The following BBX variants were observed in gnomAD, a reference collection of about 807,000 sequenced individuals.
The protein encoded by BBX is HMG box transcription factor BBX.
BBX carries 30 observed loss-of-function variants against 100.2 expected under a neutral mutation model. That is an observed-to-expected ratio of 0.30 (90% CI 0.22 to 0.41). The LOEUF (loss-of-function observed/expected upper bound fraction) is 0.41, where lower values mean the gene tolerates loss of function less well. Ranked by LOEUF, BBX falls within the 10% of genes least tolerant of loss-of-function variation. The probability of loss-of-function intolerance (pLI) is 1.00; values close to 1 mark genes in which losing one functional copy is unlikely to be tolerated. For missense variants in BBX, 1,023 were observed against 1,129.8 expected, an observed-to-expected ratio of 0.91 and a Z score of 1.35; for synonymous variants, 376 against 388.1, an observed-to-expected ratio of 0.97 and a Z score of 0.37.
At chr3:107,710,695 T>A (rs2061661313) in intron 4 of BBX, 73 bp downstream of exon 4, 2 of 1,343,720 alleles carry the variant, frequency 1.5e-6, no homozygotes, top group South Asian at 3.0e-5. Flanking sequence ...ATAGTGAACA[T>A]GAATGATATT....
chr3:107,652,383 T>TAAAA (rs200793096), intron 3 of BBX, among the ~76,000 whole-genome samples: 30,062 of 151,950 alleles, frequency 0.2, 3,224 homozygotes, highest in African/African-American at 0.28. Flanking sequence ...AATTTACCAG[T>TAAAA]TTTTCTGTGT....
At chr3:107,584,069 A>ATT (rs1402958330) in intron 2 of BBX, among the ~76,000 whole-genome samples, 1 of 24,574 alleles carries the variant, frequency 4.1e-5, no homozygotes, top group African/African-American at 2.3e-4. Flanking sequence ...TATATCATAT[A>ATT]TTATATATAT....
At chr3:107,598,101 G>A (rs148022318) in intron 2 of BBX, among the ~76,000 whole-genome samples, 195 of 152,292 alleles carry the variant, frequency 1.3e-3, no homozygotes, top group African/African-American at 4.4e-3. Flanking sequence ...AAAACCATGT[G>A]CTTCCAGAAG....
Position 107,744,628 on chromosome 3 carries a change from A to T in BBX, c.670-2A>T. 2 of 1,610,564 alleles carry T rather than the reference A, an allele frequency of 1.2e-6. No individual in the cohort carries two copies. The highest frequency in any genetic ancestry group is 1.7e-6 in the Non-Finnish European group (2 of 1,177,024). The stretch of plus-strand genomic sequence containing the variant: ...AAAATATGATATCTTTCTTTGTTTC[A>T]GGTATCCTCTGGCACATGCAGGCCT... On this transcript the variant is annotated splice_acceptor_variant, in intron 7 of 17. Coordinates refer to ENST00000325805, the MANE Select transcript of BBX (RefSeq NM_001142568.3). LOFTEE classifies it high-confidence loss of function.
chr3:107,794,779 T>G (rs1185764193), intron 15 of BBX, among the ~76,000 whole-genome samples: 2 of 152,202 alleles, frequency 1.3e-5, no homozygotes, highest in Non-Finnish European at 2.9e-5. Context: ...AAACCCCAGT[T>G]GGAATGTGAA....
Position 107,811,000 on chromosome 3 carries a change from A to T in BBX, c.*5543A>T, listed in dbSNP as rs1488347948. On this transcript the variant is annotated 3_prime_UTR_variant, in exon 18 of 18. Coordinates refer to ENST00000325805, the MANE Select transcript of BBX (RefSeq NM_001142568.3). The stretch of plus-strand genomic sequence containing the variant: ...TAATAAATGATTTCCACTTAATGGT[A>T]CAACAGAATTATTGCTTTCTTAGAT... The T allele has an allele frequency of 6.6e-6, 1 of 152,026 alleles. No homozygotes were observed. Among genetic ancestry groups the T allele is most frequent in the Non-Finnish European group, 1.5e-5 (1 of 68,010 alleles). The allele number at this position is 152,026 out of a possible 1,614,324, so 9.4% of individuals were successfully genotyped here.
chr3:107,748,425 A>G (rs951280136), intron 9 of BBX, among the ~76,000 whole-genome samples: 1 of 152,232 alleles, frequency 6.6e-6, no homozygotes, highest in Non-Finnish European at 1.5e-5. Flanking sequence ...TGACTCTCTC[A>G]CAGTGATTGC....
intron 2 of BBX, among the ~76,000 whole-genome samples, chr3:107,537,942 A>G (rs1378795925): frequency 1.3e-5 from 2 of 152,248 alleles, no homozygotes; most frequent in African/African-American, 4.8e-5. Flanking sequence ...CACATCAGTA[A>G]TAACCCCAAT....
At chr3:107,557,985 A>G (rs564157506) in intron 2 of BBX, among the ~76,000 whole-genome samples, 1 of 152,374 alleles carries the variant, frequency 6.6e-6, no homozygotes, top group Middle Eastern at 3.4e-3. Context: ...CCAGGTCTCC[A>G]GAATCCTGAA....
chr3:107,709,220 G>A (rs1274398903), intron 3 of BBX, among the ~76,000 whole-genome samples: 1 of 152,110 alleles, frequency 6.6e-6, no homozygotes, highest in Admixed American at 6.5e-5. Flanking sequence ...TTAAGTTGAA[G>A]TTGTACAAGT....
In BBX at chr3:107,772,670, C is replaced by CTAT. The variant is rs1165046788; in HGVS notation, c.951_952insTTA (p.Leu317dup). 6.3e-7 allele frequency: 1 copy of CTAT among 1,597,170 alleles called. No homozygotes were observed. Among genetic ancestry groups the CTAT allele is most frequent in the African/African-American group, 1.4e-5 (1 of 73,310 alleles). On this transcript the variant is annotated inframe_insertion, in exon 11 of 18. Transcript: ENST00000325805. ...AGGGATGAAAATGGAAGAATCAAAGCTAATAAAAGCAAAAGAATCCGATGG... is the reference window on the plus strand; with the variant it reads ...AGGGATGAAAATGGAAGAATCAAAGCTATTAATAAAAGCAAAAGAATCCGATGG...
intron 5 of BBX, among the ~76,000 whole-genome samples, chr3:107,725,273 T>C (rs903636132): frequency 3.3e-5 from 5 of 152,206 alleles, no homozygotes; most frequent in Non-Finnish European, 7.3e-5. Context: ...CCTGAGACTT[T>C]GCTGAAGTTG....
At chr3:107,600,709 T>C (rs1281165459) in intron 2 of BBX, among the ~76,000 whole-genome samples, 2 of 152,194 alleles carry the variant, frequency 1.3e-5, no homozygotes, top group Non-Finnish European at 2.9e-5. Flanking sequence ...GAGTTAATCT[T>C]CATGATCATA....
chr3:107,538,241 G>A (rs1004290563), intron 2 of BBX, among the ~76,000 whole-genome samples: 1 of 152,128 alleles, frequency 6.6e-6, no homozygotes, highest in African/African-American at 2.4e-5. Context: ...CTCTGCATGA[G>A]CGATGCAAAT....
intron 2 of BBX, among the ~76,000 whole-genome samples, chr3:107,560,741 C>A (rs940586002): frequency 4.6e-5 from 7 of 152,170 alleles, no homozygotes; most frequent in Non-Finnish European, 8.8e-5. Flanking sequence ...ATTTGTGTTT[C>A]CAGCTTAAGC....
At position 107,629,064 on chromosome 3, in the gene BBX, T is replaced by G. The variant is rs1331309437; in HGVS notation, c.-83-16772T>G. On this transcript the variant is annotated intron_variant, in intron 2 of 17. Transcript: ENST00000325805. The stretch of plus-strand genomic sequence containing the variant: ...GGGAAGCTTGCAATTTCTAAGGTAG[T>G]TAGTTAAGCTTCCCCTCCCCACCCA... Among the ~76,000 whole-genome samples the G allele has an allele frequency of 3.0e-5, 3 of 99,102 alleles. No individual in the cohort carries two copies. The East Asian group carries it at 6.8e-4, about 23-fold the overall frequency. The allele number at this position is 99,102 out of a possible 152,430, so 65.0% of individuals were successfully genotyped here. A position where few individuals can be genotyped will look rare whatever the true frequency, so the allele number is the denominator to read the frequency against.
intron 3 of BBX, among the ~76,000 whole-genome samples, chr3:107,701,983 A>G (rs2108201517): frequency 6.6e-6 from 1 of 152,308 alleles, no homozygotes; most frequent in Middle Eastern, 3.4e-3. Context: ...GAGAAACAGA[A>G]TTTATAATGG....
At chr3:107,741,556 C>T (rs951050578) in intron 7 of BBX, among the ~76,000 whole-genome samples, 5 of 152,072 alleles carry the variant, frequency 3.3e-5, no homozygotes, top group Non-Finnish European at 5.9e-5. Context: ...TTTTTTCTCC[C>T]TTATTAAATA....
intron 2 of BBX, among the ~76,000 whole-genome samples, chr3:107,629,302 A>T (rs1309526084): frequency 6.6e-6 from 1 of 152,168 alleles, no homozygotes; most frequent in Admixed American, 6.5e-5. Flanking sequence ...TTCACTTGAA[A>T]CCTATCCAGG....
Sources: gnomAD v4.1 joint callset for allele counts (sites outside exome capture counted in the v4.1 genomes callset) on GRCh38, gnomAD v4.1.1 for gene constraint, MANE v1.5 for transcripts, NCBI Gene and HGNC (gene_info 2026-07-23, HGNC 2026-07-21) for gene names.